The following SLC17A7 variants were observed in gnomAD, a reference collection of about 807,000 sequenced individuals.
SLC17A7 encodes the protein vesicular glutamate transporter 1.
Under a neutral mutation model 59.1 loss-of-function variants are expected in SLC17A7, and 15 were observed. That is an observed-to-expected ratio of 0.25 (90% CI 0.17 to 0.39). The LOEUF (loss-of-function observed/expected upper bound fraction) is 0.39, where lower values mean the gene tolerates loss of function less well. SLC17A7 is among the 10% of genes least tolerant of loss of function. The pLI is 1.00. For missense variants in SLC17A7, 499 were observed against 765.1 expected, an observed-to-expected ratio of 0.65 and a Z score of 4.10; for synonymous variants, 353 against 308.9, an observed-to-expected ratio of 1.14 and a Z score of -1.50.
intron 1 of SLC17A7, among the ~76,000 whole-genome samples, chr19:49,439,037 G>A (rs569146814): frequency 6.6e-6 from 1 of 152,248 alleles, no homozygotes; most frequent in Non-Finnish European, 1.5e-5. Context: ...GACAAGGACA[G>A]AGAAGGGAGA....
intron 1 of SLC17A7, among the ~76,000 whole-genome samples, chr19:49,439,585 C>T (rs1361109527): frequency 7.2e-5 from 11 of 152,212 alleles, no homozygotes; most frequent in Admixed American, 7.2e-4. Context: ...CACTGATCTC[C>T]CCAACCCCAG....
intron 5 of SLC17A7, 98 bp from the exon 6 acceptor site, chr19:49,434,144 A>G (rs1429485695): frequency 1.2e-6 from 1 of 800,868 alleles, no homozygotes; most frequent in South Asian, 1.5e-5. Flanking sequence ...ACTGAATTAC[A>G]GGCCACAGCC....
intron 1 of SLC17A7, among the ~76,000 whole-genome samples, chr19:49,439,288 G>T (rs969619386): frequency 6.6e-6 from 1 of 152,052 alleles, no homozygotes; most frequent in Non-Finnish European, 1.5e-5. Context: ...GGAAACTGAG[G>T]CTCGGGGAGC....
At chr19:49,435,072 C>A in intron 3 of SLC17A7, 96 bp downstream of exon 3, 1 of 1,084,656 alleles carries the variant, frequency 9.2e-7, no homozygotes, top group South Asian at 1.4e-5. Flanking sequence ...AGGCTTCTCC[C>A]ATTTACCAGA....
rs2078982190 is a variant in SLC17A7, at chr19:49,436,948, C to A, written c.63-147G>T. 2 of 1,205,666 alleles carry A rather than the reference C, an allele frequency of 1.7e-6. No homozygotes were observed. Among genetic ancestry groups the A allele is most frequent in the Non-Finnish European group, 2.3e-6 (2 of 888,146 alleles). The allele number at this position is 1,205,666 out of a possible 1,614,324, so 74.7% of individuals were successfully genotyped here. On this transcript the variant is annotated intron_variant, in intron 1 of 11. Transcript: ENST00000221485. The surrounding 1 kb of genome is among the most constrained non-coding windows in gnomAD (Gnocchi z 4.1). Reference sequence around the variant, plus strand: ...CTTCACCAAGAGTCCAGGTCCCTGGCTCCCTTCGCCCCCCTGATCCAGAAA... The same window carrying A: ...CTTCACCAAGAGTCCAGGTCCCTGGATCCCTTCGCCCCCCTGATCCAGAAA...
At chr19:49,441,101 G>C (rs2078998207) in intron 1 of SLC17A7, among the ~76,000 whole-genome samples, 1 of 152,084 alleles carries the variant, frequency 6.6e-6, no homozygotes, top group Admixed American at 6.5e-5. Context: ...AGAGAGAGTG[G>C]AGCCGGGTGG....
Position 49,436,528 on chromosome 19 carries a change from A to C in SLC17A7, c.315+21T>G. ...TCGGTGAGCGGGGCGGGGCTCTGCAAGGGCTCAGGCCTTGAGCTACCTGCA... is the reference window on the plus strand; with the variant it reads ...TCGGTGAGCGGGGCGGGGCTCTGCACGGGCTCAGGCCTTGAGCTACCTGCA... On this transcript the variant is annotated intron_variant, in intron 2 of 11. Transcript: ENST00000221485. This position sits in a 1 kb window ranked among gnomAD's most constrained non-coding sequence, Gnocchi z 4.1. The C allele has an allele frequency of 1.2e-6, 2 of 1,606,886 alleles. No individual in the cohort carries two copies. Among genetic ancestry groups the C allele is most frequent in the Non-Finnish European group, 1.7e-6 (2 of 1,176,984 alleles).
Position 49,430,438 on chromosome 19 carries a change from G to T in SLC17A7, c.*81C>A. 9.9e-7 allele frequency: 1 copy of T among 1,008,516 alleles called. No individual in the cohort carries two copies. The highest frequency in any genetic ancestry group is 1.5e-6 in the Non-Finnish European group (1 of 686,400). 62.5% of individuals were successfully genotyped at this position (1,008,516 alleles called of 1,614,324 possible). ...GCCTGAGGCAGGACAGAGAGGAGCA[G>T]GGTTCCTTGACACTGTCACTCAGGC... is the stretch of plus-strand genomic sequence containing the variant. On this transcript the variant is annotated 3_prime_UTR_variant, in exon 12 of 12. Coordinates refer to ENST00000221485, the MANE Select transcript of SLC17A7 (RefSeq NM_020309.4).
At chr19:49,434,944 T>C (rs1464494993) in intron 3 of SLC17A7, 62 bp from the exon 4 acceptor site, 1 of 1,521,656 alleles carries the variant, frequency 6.6e-7, no homozygotes, top group Non-Finnish European at 9.1e-7. Context: ...ATTCTGCCTT[T>C]CCCGCCCACA....
At chr19:49,432,020 C>T (rs981884025) in intron 9 of SLC17A7, among the ~76,000 whole-genome samples, 4 of 152,268 alleles carry the variant, frequency 2.6e-5, no homozygotes, top group South Asian at 2.1e-4. Context: ...TGCTGCGGCG[C>T]GATCATAGCT....
chr19:49,429,548 T>C lies in SLC17A7; in HGVS notation c.*971A>G, dbSNP rs1424172942. 7.5e-6 allele frequency: 3 copies of C among 398,896 alleles called. No homozygotes were observed. Among genetic ancestry groups the C allele is most frequent in the Non-Finnish European group, 4.4e-6 (1 of 226,068 alleles). 24.7% of individuals were successfully genotyped at this position (398,896 alleles called of 1,614,324 possible). A position where few individuals can be genotyped will look rare whatever the true frequency, so the allele number is the denominator to read the frequency against. ...TTCATGGGATTCTGTGACTTCTCTA[T>C]AGGTTCCCCAAATTCTAAGCTGAAA... On this transcript the variant is annotated 3_prime_UTR_variant, in exon 12 of 12. Transcript: ENST00000221485.
Position 49,433,210 on chromosome 19 carries a change from C to A in SLC17A7, c.868-250G>T. 4 of 551,804 alleles carry A rather than the reference C, an allele frequency of 7.2e-6. No individual in the cohort carries two copies. Among genetic ancestry groups the A allele is most frequent in the Non-Finnish European group, 1.3e-5 (4 of 314,076 alleles). 34.2% of individuals were successfully genotyped at this position (551,804 alleles called of 1,614,324 possible). ...CCTCTCAGGTCCGCAGGTGTCCGGG[C>A]CCCTCAGGGACCTGTCTTTTTCTTT... On this transcript the variant is annotated intron_variant, in intron 7 of 11. Coordinates refer to ENST00000221485, the MANE Select transcript of SLC17A7 (RefSeq NM_020309.4). The surrounding 1 kb of genome is among the most constrained non-coding windows in gnomAD (Gnocchi z 5.7).
Position 49,430,444 on chromosome 19 carries a change from C to T in SLC17A7, c.*75G>A. 1 of 1,124,270 alleles carries T rather than the reference C, an allele frequency of 8.9e-7. No individual in the cohort carries two copies. The highest frequency in any genetic ancestry group is 2.5e-5 in the East Asian group (1 of 40,656). The allele number at this position is 1,124,270 out of a possible 1,614,324, so 69.6% of individuals were successfully genotyped here. A position where few individuals can be genotyped will look rare whatever the true frequency, so the allele number is the denominator to read the frequency against. ...GGCAGGACAGAGAGGAGCAGGGTTC[C>T]TTGACACTGTCACTCAGGCCAGAGA... is the stretch of plus-strand genomic sequence containing the variant. On this transcript the variant is annotated 3_prime_UTR_variant, in exon 12 of 12. Transcript: ENST00000221485.
Position 49,433,708 on chromosome 19 carries a change from G to A in SLC17A7, c.867+18C>T. 14 of 1,614,066 alleles carry A rather than the reference G, an allele frequency of 8.7e-6. No homozygotes were observed. Among genetic ancestry groups the A allele is most frequent in the Non-Finnish European group, 1.2e-5 (14 of 1,179,988 alleles). On this transcript the variant is annotated intron_variant, in intron 7 of 11. Transcript: ENST00000221485. The surrounding 1 kb of genome is among the most constrained non-coding windows in gnomAD (Gnocchi z 5.7). ...TGCTATCTCTCCCCGCCCCTTCCCC[G>A]AAGATTTGGTCCCGGACCGTGAGGG...
Position 49,433,720 on chromosome 19 carries a change from C to T in SLC17A7, c.867+6G>A, listed in dbSNP as rs372254329. Reference sequence around the variant, plus strand: ...CCGCCCCTTCCCCGAAGATTTGGTCCCGGACCGTGAGGGGGTTCATGAGTT... The same window carrying T: ...CCGCCCCTTCCCCGAAGATTTGGTCTCGGACCGTGAGGGGGTTCATGAGTT... On this transcript the variant is annotated splice_donor_region_variant and intron_variant, in intron 7 of 11. Coordinates refer to ENST00000221485, the MANE Select transcript of SLC17A7 (RefSeq NM_020309.4). This position sits in a 1 kb window ranked among gnomAD's most constrained non-coding sequence, Gnocchi z 5.7. The T allele has an allele frequency of 2.5e-6, 4 of 1,614,022 alleles. No homozygotes were observed. The highest frequency in any genetic ancestry group is 1.3e-5 in the African/African-American group (1 of 74,920).
In SLC17A7 at chr19:49,434,861, C is replaced by T. The variant is rs2078974273; in HGVS notation, c.456G>A (p.Val152=). The T allele has an allele frequency of 1.9e-6, 3 of 1,613,724 alleles. No homozygotes were observed. The highest frequency in any genetic ancestry group is 8.5e-7 in the Non-Finnish European group (1 of 1,179,900). ...TCAGCATGTTTAGAGTGGATGTTGCCACAATAGCAAAGCCGAAAACTCTGA... is the reference window on the plus strand; with the variant it reads ...TCAGCATGTTTAGAGTGGATGTTGCTACAATAGCAAAGCCGAAAACTCTGA... ...AANRVFGFAI[V]ATSTLNMLIP... is the part of the protein sequence containing the mutation. Residue 152 remains valine (V), a synonymous_variant, in exon 4 of 12, where the codon GTG becomes GTA. Coordinates refer to ENST00000221485, the MANE Select transcript of SLC17A7 (RefSeq NM_020309.4).
At chr19:49,439,486 C>G (rs1017059993) in intron 1 of SLC17A7, among the ~76,000 whole-genome samples, 1 of 152,196 alleles carries the variant, frequency 6.6e-6, no homozygotes, top group Non-Finnish European at 1.5e-5. Context: ...TCCCCACCAG[C>G]TGTGGCATCA....
Position 49,431,284 on chromosome 19 carries a change from A to G in SLC17A7, c.1261+54T>C. The G allele has an allele frequency of 6.3e-7, 1 of 1,594,098 alleles. No individual in the cohort carries two copies. The highest frequency in any genetic ancestry group is 8.6e-7 in the Non-Finnish European group (1 of 1,165,344). ...GAGAGGCCCCGTTCCTGAGCCAGGA[A>G]GTTCCCTACAGAGCTGACCAGAGTC... On this transcript the variant is annotated intron_variant, in intron 10 of 11. Transcript: ENST00000221485. The surrounding 1 kb of genome is among the most constrained non-coding windows in gnomAD (Gnocchi z 4.6).
Position 49,433,563 on chromosome 19 carries a change from G to C in SLC17A7, c.867+163C>G, listed in dbSNP as rs775348052. The C allele has an allele frequency of 2.1e-6, 2 of 949,688 alleles. No homozygotes were observed. Among genetic ancestry groups the C allele is most frequent in the Non-Finnish European group, 3.3e-6 (2 of 607,540 alleles). The allele number at this position is 949,688 out of a possible 1,614,324, so 58.8% of individuals were successfully genotyped here. A position where few individuals can be genotyped will look rare whatever the true frequency, so the allele number is the denominator to read the frequency against. ...CCTGCCCCCAGCACCTGAGAATCTCGTCCTCCGCGGGTTGCAACCCGCCTC... is the reference window on the plus strand; with the variant it reads ...CCTGCCCCCAGCACCTGAGAATCTCCTCCTCCGCGGGTTGCAACCCGCCTC... On this transcript the variant is annotated intron_variant, in intron 7 of 11. Coordinates refer to ENST00000221485, the MANE Select transcript of SLC17A7 (RefSeq NM_020309.4). This position sits in a 1 kb window ranked among gnomAD's most constrained non-coding sequence, Gnocchi z 5.7.
Sources: allele counts gnomAD v4.1 joint callset (sites outside exome capture counted in the v4.1 genomes callset), GRCh38; gene constraint gnomAD v4.1.1; non-coding constraint Gnocchi (gnomAD v3.1); transcripts MANE v1.5; gene names NCBI Gene and HGNC (gene_info 2026-07-23, HGNC 2026-07-21).